PTPRD: variants seen among roughly 807,000 people sequenced by gnomAD.
PTPRD encodes the protein receptor-type tyrosine-protein phosphatase delta.
PTPRD carries 34 observed loss-of-function variants against 214.5 expected under a neutral mutation model. That is an observed-to-expected ratio of 0.16 (90% CI 0.12 to 0.21). PTPRD has a LOEUF of 0.21. Among genes scored for constraint, PTPRD ranks in the 10% least tolerant of loss-of-function variants. The pLI, the probability that PTPRD is intolerant of heterozygous loss-of-function variation, is 1.00. For synonymous variants in PTPRD, 1,128 were observed against 845.7 expected (o/e 1.33, Z -5.79); for missense variants, 2,545 against 2,398.7 (o/e 1.06, Z -1.27).
At chr9:9,627,988 G>C (rs541187884) in intron 7 of PTPRD, among the ~76,000 whole-genome samples, 1 of 151,918 alleles carries the variant, frequency 6.6e-6, no homozygotes, top group Non-Finnish European at 1.5e-5. Context: ...CAAGAAAGTT[G>C]GATACTCTTC....
At chr9:9,441,479 A>C (rs369458721) in intron 8 of PTPRD, among the ~76,000 whole-genome samples, 1 of 152,226 alleles carries the variant, frequency 6.6e-6, no homozygotes, top group Non-Finnish European at 1.5e-5. Context: ...CAGCTGGAGC[A>C]TAGAGTGCTG....
rs186406284 is a variant in PTPRD, at chr9:9,458,581, G to A, written c.-236-61099C>T. On this transcript the variant is annotated intron_variant, in intron 8 of 45. Coordinates refer to ENST00000381196, the MANE Select transcript of PTPRD (RefSeq NM_002839.4). ...AAAAGCTTAAAAAAAATCATGAGTT[G>A]TTTGTTGTTGTTGCTGTTGTTTCCC... Among the ~76,000 whole-genome samples, 5 of 152,004 alleles carry A rather than the reference G, an allele frequency of 3.3e-5. No individual in the cohort carries two copies. In the East Asian group the frequency reaches 9.7e-4, roughly 29 times the overall value.
intron 2 of PTPRD, among the ~76,000 whole-genome samples, chr9:10,511,566 G>GCTCTTTTTTT (rs1184361974): frequency 1.1e-5 from 1 of 88,606 alleles, no homozygotes; most frequent in African/African-American, 4.2e-5. Context: ...ACCACACCCT[G>GCTCTTTTTTT]GTATTTTTTT....
At chr9:9,455,914 T>A (rs1056266638) in intron 8 of PTPRD, among the ~76,000 whole-genome samples, 1 of 151,688 alleles carries the variant, frequency 6.6e-6, no homozygotes, top group Non-Finnish European at 1.5e-5. Context: ...AGCTGAAGGT[T>A]GTTCAATAAC....
At chr9:8,894,355 CAAA>C (rs34776407) in intron 11 of PTPRD, among the ~76,000 whole-genome samples, 6 of 74,458 alleles carry the variant, frequency 8.1e-5, no homozygotes, top group Non-Finnish European at 5.4e-5. Flanking sequence ...GACTCCATCT[CAAA>C]AAAAAAAAAA....
intron 3 of PTPRD, among the ~76,000 whole-genome samples, chr9:10,222,683 A>G (rs2099575218): frequency 1.3e-5 from 2 of 152,098 alleles, no homozygotes; most frequent in Admixed American, 1.3e-4. Flanking sequence ...TCAGTGGCTC[A>G]TCGAGGTAAA....
chr9:9,063,886 T>C (rs1052811497), intron 10 of PTPRD, among the ~76,000 whole-genome samples: 4 of 152,182 alleles, frequency 2.6e-5, no homozygotes, highest in Non-Finnish European at 4.4e-5. Context: ...CGTATGATAA[T>C]GGTTTTGCAA....
intron 8 of PTPRD, among the ~76,000 whole-genome samples, chr9:9,442,977 G>A (rs964926384): frequency 1.3e-4 from 20 of 151,866 alleles, no homozygotes; most frequent in Non-Finnish European, 2.6e-4. Flanking sequence ...ACATATATAT[G>A]TGTGTGTGTG....
intron 2 of PTPRD, among the ~76,000 whole-genome samples, chr9:10,443,823 C>T (rs1294907856): frequency 6.7e-6 from 1 of 149,662 alleles, no homozygotes; most frequent in African/African-American, 2.5e-5. Context: ...TTTAGGACTA[C>T]ACAGAGCTAT....
chr9:10,442,239 T>A (rs1480088146), intron 2 of PTPRD, among the ~76,000 whole-genome samples: 1 of 151,726 alleles, frequency 6.6e-6, no homozygotes, highest in East Asian at 1.9e-4. Flanking sequence ...AATATTTAAT[T>A]ATTTCTTTCC....
At chr9:9,179,286 G>A (rs577557469) in intron 10 of PTPRD, among the ~76,000 whole-genome samples, 191 of 152,120 alleles carry the variant, frequency 1.3e-3, no homozygotes, top group Non-Finnish European at 1.8e-3. Flanking sequence ...AAATTAAATT[G>A]CCCTTTCCAA....
intron 2 of PTPRD, among the ~76,000 whole-genome samples, chr9:10,544,858 TA>T (rs1415718116): frequency 6.6e-6 from 1 of 152,160 alleles, no homozygotes; most frequent in Admixed American, 6.5e-5. Context: ...CATTACTACA[TA>T]AAAATAGGGA....
intron 11 of PTPRD, among the ~76,000 whole-genome samples, chr9:8,978,411 T>G (rs1412510189): frequency 2.0e-5 from 3 of 152,106 alleles, no homozygotes; most frequent in African/African-American, 7.2e-5. Context: ...TTTTCACATA[T>G]TGGGCTCTCA....
intron 11 of PTPRD, among the ~76,000 whole-genome samples, chr9:8,827,087 T>C (rs1183914053): frequency 1.3e-5 from 2 of 151,828 alleles, no homozygotes; most frequent in Non-Finnish European, 2.9e-5. Context: ...TGGTTCAGAG[T>C]AGACTTGATT....
chr9:8,578,124 T>A (rs562597330), intron 14 of PTPRD, among the ~76,000 whole-genome samples: 3 of 152,336 alleles, frequency 2.0e-5, no homozygotes, highest in Non-Finnish European at 4.4e-5. Context: ...GGTCTGTACA[T>A]AGGATACACA....
At chr9:8,914,361 G>A (rs2098769916) in intron 11 of PTPRD, among the ~76,000 whole-genome samples, 1 of 152,072 alleles carries the variant, frequency 6.6e-6, no homozygotes, top group Non-Finnish European at 1.5e-5. Flanking sequence ...TTTGCCATTT[G>A]TTCTGTTTTG....
chr9:8,909,201 C>G (rs1370676231), intron 11 of PTPRD, among the ~76,000 whole-genome samples: 1 of 151,900 alleles, frequency 6.6e-6, no homozygotes, highest in South Asian at 2.1e-4. Context: ...ATCAATTCAC[C>G]ATTTTTACAT....
intron 5 of PTPRD, among the ~76,000 whole-genome samples, chr9:9,872,875 C>T (rs112856553): frequency 0.012 from 1,816 of 152,088 alleles, 15 homozygotes; most frequent in Non-Finnish European, 0.017. Context: ...AAGTAGAAGA[C>T]AGCCTATATT....
intron 35 of PTPRD, among the ~76,000 whole-genome samples, chr9:8,405,787 A>G (rs2092916958): frequency 6.6e-6 from 1 of 152,198 alleles, no homozygotes; most frequent in Admixed American, 6.6e-5. Flanking sequence ...AATTTTTAGC[A>G]GTTATTTTTG....
Sources: gnomAD v4.1 joint callset for allele counts (sites outside exome capture counted in the v4.1 genomes callset) on GRCh38, gnomAD v4.1.1 for gene constraint, MANE v1.5 for transcripts, NCBI Gene and HGNC (gene_info 2026-07-23, HGNC 2026-07-21) for gene names.